The following PLCE1 variants were observed in gnomAD, a reference collection of about 807,000 sequenced individuals.
The protein encoded by PLCE1 is phospholipase C epsilon 1.
In PLCE1, 119 loss-of-function variants were observed where a neutral mutation model predicts 242.8. The observed-to-expected ratio is 0.49, with a 90% CI of 0.42 to 0.57. PLCE1 has a LOEUF of 0.57. Ranked by LOEUF, PLCE1 falls within the 20% of genes least tolerant of loss-of-function variation. The pLI is 0.00. For missense variants in PLCE1, 2,441 were observed against 2,788.8 expected (o/e 0.88, Z 2.81); for synonymous variants, 945 against 1,017.4 (o/e 0.93, Z 1.35).
chr10:94,033,847 C>T (rs2061611350), intron 2 of PLCE1, among the ~76,000 whole-genome samples: 2 of 152,122 alleles, frequency 1.3e-5, no homozygotes, highest in Non-Finnish European at 2.9e-5. Context: ...TAGAAATAAG[C>T]ACCTGGTCTA....
At position 94,305,018 on chromosome 10, in the gene PLCE1, T is replaced by C. The variant is rs564842248; in HGVS notation, c.5622+373T>C. 1.0e-3 allele frequency among the ~76,000 whole-genome samples: 159 copies of C among 152,358 alleles called. 1 individual carries two copies. The highest frequency in any genetic ancestry group is 2.0e-3 in the Non-Finnish European group (133 of 68,028). ...AGCTCTAAGATCAAACTCATGTCAA[T>C]ATATAAATACAATTAAGTATATTTC... On this transcript the variant is annotated intron_variant, in intron 25 of 32. Transcript: ENST00000371380.
At chr10:94,076,777 T>G (rs1281462758) in intron 2 of PLCE1, among the ~76,000 whole-genome samples, 1 of 149,512 alleles carries the variant, frequency 6.7e-6, no homozygotes, top group Non-Finnish European at 1.5e-5. Flanking sequence ...GGGTGTCCCA[T>G]GAGCTCTGCT....
intron 2 of PLCE1, among the ~76,000 whole-genome samples, chr10:94,087,006 T>A (rs899013195): frequency 6.6e-6 from 1 of 152,092 alleles, no homozygotes; most frequent in African/African-American, 2.4e-5. Flanking sequence ...TTTGGATGCA[T>A]AAATTCTGAT....
At chr10:94,136,577 T>C (rs1401216059) in intron 3 of PLCE1, among the ~76,000 whole-genome samples, 2 of 152,084 alleles carry the variant, frequency 1.3e-5, no homozygotes, top group Non-Finnish European at 2.9e-5. Context: ...TAGAAGGAAA[T>C]GTCCAACAAG....
intron 3 of PLCE1, among the ~76,000 whole-genome samples, chr10:94,141,773 C>T (rs1162228140): frequency 6.6e-6 from 1 of 152,026 alleles, no homozygotes; most frequent in Non-Finnish European, 1.5e-5. Flanking sequence ...CTAATCAATG[C>T]AGTCAGAAAG....
At chr10:93,997,779 C>T (rs1308835164) in intron 1 of PLCE1, among the ~76,000 whole-genome samples, 2 of 151,944 alleles carry the variant, frequency 1.3e-5, no homozygotes, top group South Asian at 2.1e-4. Context: ...CCGTAATAGA[C>T]GTGCTTAGCA....
At chr10:94,322,239 CCA>C (rs989629321) in intron 30 of PLCE1, among the ~76,000 whole-genome samples, 180 bp downstream of exon 30, 5 of 152,038 alleles carry the variant, frequency 3.3e-5, no homozygotes, top group African/African-American at 1.2e-4. Flanking sequence ...GCCTGTAATC[CCA>C]GTTTTAGGAA....
Position 94,316,642 on chromosome 10 carries a change from G to A in PLCE1, c.6228G>A (p.Arg2076=), listed in dbSNP as rs2053585233. The change falls in exon 29 of 33, where the codon AGG becomes AGA. Residue 2076 remains arginine, a synonymous_variant. Coordinates refer to ENST00000371380, the MANE Select transcript of PLCE1 (RefSeq NM_016341.4). ...TATCTAAAGAAAAGAATGAATGTAGGAAACAACCATTCCAGAGAGCCATTG... is the reference window on the plus strand; with the variant it reads ...TATCTAAAGAAAAGAATGAATGTAGAAAACAACCATTCCAGAGAGCCATTG... ...YFISKEKNEC[R]KQPFQRAIGP... is the part of the protein sequence containing the mutation. 1.2e-6 allele frequency: 2 copies of A among 1,611,110 alleles called. No homozygotes were observed. The highest frequency in any genetic ancestry group is 1.7e-6 in the Non-Finnish European group (2 of 1,177,402).
chr10:94,158,470 T>C (rs1203530373), intron 3 of PLCE1, among the ~76,000 whole-genome samples: 2 of 152,146 alleles, frequency 1.3e-5, no homozygotes, highest in Non-Finnish European at 2.9e-5. Context: ...AGTTAATTAA[T>C]TTGCCATAAA....
Position 94,147,577 on chromosome 10 carries a change from A to T in PLCE1, c.1492+15118A>T, listed in dbSNP as rs185643625. Among the ~76,000 whole-genome samples, 3 of 152,328 alleles carry T rather than the reference A, an allele frequency of 2.0e-5. No homozygotes were observed. In the East Asian group the frequency reaches 5.8e-4, roughly 29 times the overall value. On this transcript the variant is annotated intron_variant, in intron 3 of 32. Transcript: ENST00000371380. ...GAGTGCCTGCCGTGGACTAGATGCT[A>T]TGCTAGGCACTATATTGTGACAGCG...
At chr10:94,291,152 A>G (rs985636691) in intron 22 of PLCE1, among the ~76,000 whole-genome samples, 1 of 151,886 alleles carries the variant, frequency 6.6e-6, no homozygotes, top group Non-Finnish European at 1.5e-5. Context: ...CTTTTTTTTT[A>G]AGTAATTCTT....
chr10:94,179,468 A>G (rs2048224519), intron 4 of PLCE1, among the ~76,000 whole-genome samples: 1 of 147,292 alleles, frequency 6.8e-6, no homozygotes, highest in African/African-American at 2.5e-5. Flanking sequence ...ACCTCAAGCC[A>G]GATACCTAAC....
Position 94,107,711 on chromosome 10 carries a change from A to G in PLCE1, c.1207-24463A>G, listed in dbSNP as rs577543443. ...ATGCTTGGAGTCTTTAGACATTCAC[A>G]TTGAGGTCAAGGAGTCTAACCGTAT... On this transcript the variant is annotated intron_variant, in intron 2 of 32. Coordinates refer to ENST00000371380, the MANE Select transcript of PLCE1 (RefSeq NM_016341.4). The G allele has an allele frequency of 1.2e-4, 18 of 152,102 alleles. No homozygotes were observed. The East Asian group carries it at 3.5e-3, about 29-fold the overall frequency. The allele number at this position is 152,102 out of a possible 1,614,324, so 9.4% of individuals were successfully genotyped here.
chr10:94,132,069 T>G (rs1243879068), intron 2 of PLCE1, 105 bp from the exon 3 acceptor site: 1 of 1,071,584 alleles, frequency 9.3e-7, no homozygotes, highest in East Asian at 2.5e-5. Context: ...ACTTGGAGCA[T>G]CTGAGCCTTC....
intron 3 of PLCE1, among the ~76,000 whole-genome samples, chr10:94,158,861 T>C (rs1468851430): frequency 6.9e-6 from 1 of 144,888 alleles, no homozygotes; most frequent in African/African-American, 2.5e-5. Flanking sequence ...TTTCTTTTTT[T>C]TTTTTTTTTT....
intron 18 of PLCE1, 51 bp downstream of exon 18, chr10:94,270,653 T>C (rs781751707): frequency 9.2e-7 from 1 of 1,084,348 alleles, no homozygotes; most frequent in Non-Finnish European, 1.4e-6. Context: ...TGTTTTGCAA[T>C]TGTCATTGGG....
chr10:94,055,046 G>A (rs924451080), intron 2 of PLCE1, among the ~76,000 whole-genome samples: 1 of 149,716 alleles, frequency 6.7e-6, no homozygotes, highest in African/African-American at 2.5e-5. Context: ...GCCCTGTTCA[G>A]TAACACAATA....
intron 18 of PLCE1, 90 bp downstream of exon 18, chr10:94,270,692 C>CTCTGTCTCAAAAA: frequency 1.2e-6 from 1 of 857,188 alleles, no homozygotes; most frequent in Non-Finnish European, 2.0e-6. Context: ...TTTTTTGAGA[C>CTCTGTCTCAAAAA]AGAGTCTCGC....
chr10:94,221,992 C>T (rs528249417), intron 4 of PLCE1, among the ~76,000 whole-genome samples: 2 of 152,162 alleles, frequency 1.3e-5, no homozygotes, highest in East Asian at 1.9e-4. Flanking sequence ...AATCCCTGAG[C>T]GTTTGGAAGC....
Sources: allele counts gnomAD v4.1 joint callset (sites outside exome capture counted in the v4.1 genomes callset), GRCh38; gene constraint gnomAD v4.1.1; transcripts MANE v1.5; gene names NCBI Gene and HGNC (gene_info 2026-07-23, HGNC 2026-07-21).